CRMP1: variants seen among roughly 807,000 people sequenced by gnomAD.
The protein encoded by CRMP1 is dihydropyrimidinase-related protein 1.
In CRMP1, 19 loss-of-function variants were observed where a neutral mutation model predicts 68.3. The ratio of observed to expected loss-of-function variants is 0.28; its 90% CI spans 0.19 to 0.41. The LOEUF (loss-of-function observed/expected upper bound fraction) is 0.41, where lower values mean the gene tolerates loss of function less well. CRMP1 is among the 10% of genes least tolerant of loss of function. The pLI is 1.00. For synonymous variants in CRMP1, 439 were observed against 399.6 expected, an observed-to-expected ratio of 1.10 and a Z score of -1.18; for missense variants, 791 against 967.4, an observed-to-expected ratio of 0.82 and a Z score of 2.42.
At chr4:5,862,032 G>A (rs1201054317) in intron 2 of CRMP1, among the ~76,000 whole-genome samples, 1 of 152,184 alleles carries the variant, frequency 6.6e-6, no homozygotes, top group Non-Finnish European at 1.5e-5. Context: ...GCTCCTGTGA[G>A]AAGCTGGGCC....
At position 5,825,099 on chromosome 4, in the gene CRMP1, G is replaced by A. The variant is rs138615210; in HGVS notation, c.1969+395C>T. 4 of 985,410 alleles carry A rather than the reference G, an allele frequency of 4.1e-6. No individual in the cohort carries two copies. The highest frequency in any genetic ancestry group is 2.3e-4 in the East Asian group (2 of 8,820). The allele number at this position is 985,410 out of a possible 1,614,324, so 61.0% of individuals were successfully genotyped here. ...CTTAGTACACTGCAGTGGGTGAACAGGCTAAAGACTTACACAGAGCACATG... is the reference window on the plus strand; with the variant it reads ...CTTAGTACACTGCAGTGGGTGAACAAGCTAAAGACTTACACAGAGCACATG... On this transcript the variant is annotated intron_variant, in intron 13 of 13. Coordinates refer to ENST00000324989, the MANE Select transcript of CRMP1 (RefSeq NM_001014809.3). This position sits in a 1 kb window ranked among gnomAD's most constrained non-coding sequence, Gnocchi z 4.4.
intron 1 of CRMP1, among the ~76,000 whole-genome samples, chr4:5,876,681 T>G (rs910671102): frequency 3.3e-5 from 5 of 152,150 alleles, no homozygotes; most frequent in Non-Finnish European, 5.9e-5. Context: ...CACATACTCA[T>G]GATGTTGAAG....
chr4:5,877,132 A>G lies in CRMP1; in HGVS notation c.382-10376T>C, dbSNP rs374456401. Among the ~76,000 whole-genome samples the G allele has an allele frequency of 5.9e-5, 9 of 152,244 alleles. No homozygotes were observed. The East Asian group carries it at 7.7e-4, about 13-fold the overall frequency. On this transcript the variant is annotated intron_variant, in intron 1 of 13. Transcript: ENST00000324989. The surrounding 1 kb of genome is among the most constrained non-coding windows in gnomAD (Gnocchi z 4.3). ...AGGACCCAAGGAGTGGCAGCCCCAG[A>G]ATGAGAGGATTTGAGGAGCACACCT...
At chr4:5,828,362 G>A (rs1720017282) in intron 12 of CRMP1, 127 bp downstream of exon 12, 3 of 1,442,194 alleles carry the variant, frequency 2.1e-6, no homozygotes, top group East Asian at 5.0e-5. Context: ...CCATTTAACA[G>A]ATAAGGAAAC....
intron 12 of CRMP1, among the ~76,000 whole-genome samples, chr4:5,827,733 G>GCACGCACACACACACACA (rs1719899729): frequency 2.9e-5 from 4 of 138,276 alleles, no homozygotes; most frequent in African/African-American, 1.1e-4. Context: ...ATGTGCGCGT[G>GCACGCACACACACACACA]CACACACACA....
intron 3 of CRMP1, among the ~76,000 whole-genome samples, chr4:5,857,842 T>C (rs953354483): frequency 6.6e-6 from 1 of 152,210 alleles, no homozygotes; most frequent in East Asian, 1.9e-4. Flanking sequence ...TCATCCTTTT[T>C]TCAAATAAAA....
chr4:5,835,918 C>CT lies in CRMP1; in HGVS notation c.1619dup (p.Ser541ValfsTer29). On this transcript the variant is annotated frameshift_variant, in exon 11 of 14. Coordinates refer to ENST00000324989, the MANE Select transcript of CRMP1 (RefSeq NM_001014809.3). LOFTEE classifies it high-confidence loss of function. Reference sequence around the variant, plus strand: ...GCACAAATAGGCCAGGACTTACCGACTTGTGACTTTTGGCTGTTATGGTCT... The same window carrying CT: ...GCACAAATAGGCCAGGACTTACCGACTTTGTGACTTTTGGCTGTTATGGTCT... 1 of 1,540,656 alleles carries CT rather than the reference C, an allele frequency of 6.5e-7. No individual in the cohort carries two copies. Among genetic ancestry groups the CT allele is most frequent in the South Asian group, 1.3e-5 (1 of 77,672 alleles).
At position 5,849,455 on chromosome 4, in the gene CRMP1, G is replaced by T; in HGVS notation, c.900C>A (p.Thr300=). Residue 300 remains threonine (T), a synonymous_variant, in exon 6 of 14, where the codon ACC becomes ACA. Transcript: ENST00000324989. ...MSDSQLYEAF[T]FLKGLGAVIL... ...TCACAGCTCCCAGGCCCTTAAGGAAGGTAAAGGCTTCATAGAGCTATGGAG... is the reference window on the plus strand; with the variant it reads ...TCACAGCTCCCAGGCCCTTAAGGAATGTAAAGGCTTCATAGAGCTATGGAG... The T allele has an allele frequency of 6.2e-7, 1 of 1,613,322 alleles. No homozygotes were observed.
At chr4:5,856,059 G>A in intron 4 of CRMP1, 84 bp downstream of exon 4, 4 of 1,511,404 alleles carry the variant, frequency 2.6e-6, no homozygotes, top group Non-Finnish European at 3.6e-6. Context: ...GATGCAGACA[G>A]GGGGATTTTT....
At chr4:5,846,433 AG>A (rs1712205675) in intron 6 of CRMP1, among the ~76,000 whole-genome samples, 1 of 152,114 alleles carries the variant, frequency 6.6e-6, no homozygotes, top group Admixed American at 6.6e-5. Context: ...AGGGTAGCGG[AG>A]GGATTATCTG....
chr4:5,856,714 G>GTCATCACTATCATTATCGC (rs1560505363), intron 3 of CRMP1, among the ~76,000 whole-genome samples: 4 of 147,046 alleles, frequency 2.7e-5, no homozygotes, highest in African/African-American at 7.6e-5. Context: ...TACCACCACC[G>GTCATCACTATCATTATCGC]TCATCACTAT....
At chr4:5,864,388 T>C (rs760523792) in intron 2 of CRMP1, among the ~76,000 whole-genome samples, 19 of 152,206 alleles carry the variant, frequency 1.2e-4, no homozygotes, top group Non-Finnish European at 2.6e-4. Context: ...ATGGTTGAGT[T>C]AGAAAACCTC....
At position 5,890,197 on chromosome 4, in the gene CRMP1, T is replaced by C. The variant is rs565673340; in HGVS notation, c.381+2392A>G. ...TCCTAGGTTCCCCGTACCAGGGCGTTCCCTGGGGTCAGTCTGGAGATCTGA... is the reference window on the plus strand; with the variant it reads ...TCCTAGGTTCCCCGTACCAGGGCGTCCCCTGGGGTCAGTCTGGAGATCTGA... On this transcript the variant is annotated intron_variant, in intron 1 of 13. Coordinates refer to ENST00000324989, the MANE Select transcript of CRMP1 (RefSeq NM_001014809.3). This position sits in a 1 kb window ranked among gnomAD's most constrained non-coding sequence, Gnocchi z 5.5. 7.8e-5 allele frequency: 13 copies of C among 165,832 alleles called. No homozygotes were observed. The East Asian group carries it at 1.9e-3, about 24-fold the overall frequency. The allele number at this position is 165,832 out of a possible 1,614,324, so 10.3% of individuals were successfully genotyped here.
rs888680577 is a variant in CRMP1, at chr4:5,878,791, G to A, written c.382-12035C>T. Among the ~76,000 whole-genome samples the A allele has an allele frequency of 9.9e-5, 15 of 151,988 alleles. No individual in the cohort carries two copies. The South Asian group carries it at 1.0e-3, about 11-fold the overall frequency. ...TGAATTAACCCACGGATAGCACTTC[G>A]CACAGTGCCTTATTTTTTTTTTTAA... On this transcript the variant is annotated intron_variant, in intron 1 of 13. Coordinates refer to ENST00000324989, the MANE Select transcript of CRMP1 (RefSeq NM_001014809.3).
At chr4:5,857,225 C>A (rs1031512803) in intron 3 of CRMP1, among the ~76,000 whole-genome samples, 7 of 151,356 alleles carry the variant, frequency 4.6e-5, no homozygotes, top group African/African-American at 1.7e-4. Context: ...ACCAGCACCA[C>A]CATCATCACC....
chr4:5,839,456 C>G (rs559118629), intron 9 of CRMP1, 66 bp downstream of exon 9: 155 of 1,541,464 alleles, frequency 1.0e-4, no homozygotes, highest in Middle Eastern at 2.2e-4. Context: ...CGGATTCCCA[C>G]CATTAACTCT....
Position 5,889,593 on chromosome 4 carries a change from C to T in CRMP1, c.381+2996G>A, listed in dbSNP as rs1715845836. The T allele has an allele frequency of 1.3e-6, 2 of 1,536,008 alleles. No homozygotes were observed. Among genetic ancestry groups the T allele is most frequent in the African/African-American group, 1.4e-5 (1 of 73,024 alleles). On this transcript the variant is annotated intron_variant, in intron 1 of 13. Coordinates refer to ENST00000324989, the MANE Select transcript of CRMP1 (RefSeq NM_001014809.3). The surrounding 1 kb of genome is among the most constrained non-coding windows in gnomAD (Gnocchi z 4.5). ...AAGCCCCAACCTCACTGGACAGGTG[C>T]CCCAAGTTCCCAGGCAGAATAAAAC...
chr4:5,864,416 G>A (rs769929842), intron 2 of CRMP1, among the ~76,000 whole-genome samples: 3 of 152,204 alleles, frequency 2.0e-5, no homozygotes, highest in Non-Finnish European at 4.4e-5. Context: ...GACACATCCT[G>A]ACACCCTTCC....
At chr4:5,887,763 A>T (rs3755852) in intron 1 of CRMP1, 613,603 of 985,790 alleles carry the variant, frequency 0.62, 192,046 homozygotes, top group East Asian at 0.78. Context: ...GGAGCGCTGG[A>T]TGATCTTTTT....
Sources: gnomAD v4.1 joint callset for allele counts (sites outside exome capture counted in the v4.1 genomes callset) on GRCh38, gnomAD v4.1.1 for gene constraint, Gnocchi (gnomAD v3.1) non-coding constraint, MANE v1.5 for transcripts, NCBI Gene and HGNC (gene_info 2026-07-23, HGNC 2026-07-21) for gene names.